Variants in VCPKMT observed in about 807,000 individuals in gnomAD.
The protein encoded by VCPKMT is protein N-lysine methyltransferase METTL21D.
A neutral mutation model predicts 28.6 loss-of-function variants in VCPKMT; 32 were observed. That is an observed-to-expected ratio of 1.12 (90% CI 0.84 to 1.50). The LOEUF (loss-of-function observed/expected upper bound fraction) is 1.50. Among genes scored for constraint, VCPKMT ranks in the 40% most tolerant of loss-of-function variants. The probability of loss-of-function intolerance (pLI) is 0.00; values close to 1 mark genes in which losing one functional copy is unlikely to be tolerated. For synonymous variants in VCPKMT, 138 were observed against 111.4 expected (o/e 1.24, Z -1.50); for missense variants, 366 against 285.0 (o/e 1.28, Z -2.05).
chr14:50,109,158 A>T lies in VCPKMT; in HGVS notation c.*541T>A, dbSNP rs184032097. On this transcript the variant is annotated 3_prime_UTR_variant, in exon 6 of 6. Coordinates refer to ENST00000395860, the MANE Select transcript of VCPKMT (RefSeq NM_024558.3). ...ACAAGACAATATCTCAGTTCTTTTT[A>T]AAATTAAAAGAACATTTCAGTATTA... 3.5e-4 allele frequency: 322 copies of T among 914,236 alleles called. 1 individual carries two copies. The African/African-American group carries it at 5.2e-3, about 15-fold the overall frequency. 56.6% of individuals were successfully genotyped at this position (914,236 alleles called of 1,614,324 possible).
chr14:50,103,704 T>C (rs890574638), downstream of VCPKMT, among the ~76,000 whole-genome samples: 1 of 152,196 alleles, frequency 6.6e-6, no homozygotes, highest in Non-Finnish European at 1.5e-5. Context: ...TTTTCTAAGA[T>C]TGTTATTTGT....
At chr14:50,111,416 T>G (rs1051568591) in intron 5 of VCPKMT, 1 of 985,320 alleles carries the variant, frequency 1.0e-6, no homozygotes, top group African/African-American at 1.7e-5. Context: ...TAAGTTTTAT[T>G]TGCTTTTGAC....
At chr14:50,107,156 A>G (rs1882354111), downstream of VCPKMT, among the ~76,000 whole-genome samples, 1 of 152,218 alleles carries the variant, frequency 6.6e-6, no homozygotes, top group African/African-American at 2.4e-5. Context: ...TGTCTGTGGA[A>G]TAGTAGTTGG....
intron 2 of VCPKMT, 22 bp downstream of exon 2, chr14:50,116,042 TAAAAC>T (rs1263473228): frequency 6.3e-7 from 1 of 1,597,654 alleles, no homozygotes; most frequent in Non-Finnish European, 8.6e-7. Flanking sequence ...ATCAATATCT[TAAAAC>T]AAGCTGAAAG....
At chr14:50,106,473 C>G, downstream of VCPKMT, 11 of 844,658 alleles carry the variant, frequency 1.3e-5, no homozygotes, top group Non-Finnish European at 1.4e-5. Context: ...TAAACCACGT[C>G]GTCCCCTCCT....
Position 50,116,541 on chromosome 14 carries a change from C to T in VCPKMT, c.12G>A (p.Thr4=), listed in dbSNP as rs777431395. Reference sequence around the variant, plus strand: ...GTGGGTCCTCCAGCGAGGACTCCAGCGTATCCGCCATTGCGCCCGGCAACA... The same window carrying T: ...GTGGGTCCTCCAGCGAGGACTCCAGTGTATCCGCCATTGCGCCCGGCAACA... MAD[T]LESSLEDPLR... is the part of the protein sequence containing the mutation. Residue 4 remains threonine, a synonymous_variant, in exon 1 of 6, where the codon ACG becomes ACA. Transcript: ENST00000395860. 1.9e-6 allele frequency: 3 copies of T among 1,607,076 alleles called. No individual in the cohort carries two copies. The highest frequency in any genetic ancestry group is 2.2e-5 in the South Asian group (2 of 90,836).
chr14:50,112,789 A>T, intron 4 of VCPKMT, 70 bp from the exon 5 acceptor site: 6 of 1,132,612 alleles, frequency 5.3e-6, no homozygotes, highest in Non-Finnish European at 7.5e-6. Context: ...AGAAGTCAGA[A>T]TGCTGGTTAC....
At chr14:50,115,280 A>C (rs1197509425) in intron 3 of VCPKMT, among the ~76,000 whole-genome samples, 1 of 151,472 alleles carries the variant, frequency 6.6e-6, no homozygotes, top group Non-Finnish European at 1.5e-5. Flanking sequence ...AGACTCCCAA[A>C]TAGCTAGGAT....
the VCPKMT span, among the ~76,000 whole-genome samples, chr14:50,103,246 T>C: frequency 1.3e-5 from 2 of 151,230 alleles, no homozygotes; most frequent in Non-Finnish European, 2.9e-5. Context: ...GTAAAAGACA[T>C]GGTCAGTTAG....
At chr14:50,103,782 G>A (rs1027285045), downstream of VCPKMT, among the ~76,000 whole-genome samples, 3 of 152,024 alleles carry the variant, frequency 2.0e-5, no homozygotes, top group South Asian at 2.1e-4. Flanking sequence ...CATTCCCACC[G>A]TGACTGGGCA....
At chr14:50,111,481 T>G (rs1034242806) in intron 5 of VCPKMT, 5 of 985,278 alleles carry the variant, frequency 5.1e-6, no homozygotes, top group African/African-American at 1.7e-5. Context: ...GCAAAGATGA[T>G]AGAAAAAGTG....
At position 50,116,084 on chromosome 14, in the gene VCPKMT, G is replaced by A. The variant is rs1185266818; in HGVS notation, c.362C>T (p.Ala121Val). ...NKHLVTGSVQAKVLKWGEEIE... is the reference protein window; with the variant it reads ...NKHLVTGSVQVKVLKWGEEIE... ...CCATACAAACCATTTCAGTACCTTGGCTTGAACAGAACCAGTGACAAGATG... is the reference window on the plus strand; with the variant it reads ...CCATACAAACCATTTCAGTACCTTGACTTGAACAGAACCAGTGACAAGATG... Residue 121 changes from alanine to valine, a missense_variant, in exon 2 of 6, where the codon GCC becomes GTC. Transcript: ENST00000395860. The A allele has an allele frequency of 6.2e-7, 1 of 1,612,840 alleles. No individual in the cohort carries two copies. Among genetic ancestry groups the A allele is most frequent in the Admixed American group, 1.7e-5 (1 of 59,876 alleles).
chr14:50,114,325 G>A lies in VCPKMT; in HGVS notation c.530C>T (p.Thr177Ile). The A allele has an allele frequency of 6.3e-7, 1 of 1,587,636 alleles. No homozygotes were observed. The highest frequency in any genetic ancestry group is 8.5e-7 in the Non-Finnish European group (1 of 1,170,320). Residue 177 changes from threonine (T) to isoleucine (I), a missense_variant, in exon 4 of 6, where the codon ACA becomes ATA. Transcript: ENST00000395860. ...TCIICCYEQR[T>I]MGKNPEIEKK... is the part of the protein sequence containing the mutation. ...CTCAATTTCTGGATTTTTCCCCATT[G>A]TTCGTTGTTCATAACAACATATAAT...
Position 50,116,146 on chromosome 14 carries a change from C to A in VCPKMT, c.300G>T (p.Leu100Phe). The A allele has an allele frequency of 6.2e-7, 1 of 1,614,102 alleles. No individual in the cohort carries two copies. The highest frequency in any genetic ancestry group is 8.5e-7 in the Non-Finnish European group (1 of 1,180,040). ...TAATATTCATCTTCAGCAAGTCTTGCAATTCCTCAAGATCGGTGACTACAA... is the reference window on the plus strand; with the variant it reads ...TAATATTCATCTTCAGCAAGTCTTGAAATTCCTCAAGATCGGTGACTACAA... ...ADVVVTDLEE[L>F]QDLLKMNINM... The change falls in exon 2 of 6, where the codon TTG becomes TTT. Residue 100 changes from leucine to phenylalanine, a missense_variant. Leu to Phe is a conservative substitution (Grantham distance 22). Coordinates refer to ENST00000395860, the MANE Select transcript of VCPKMT (RefSeq NM_024558.3).
Position 50,112,667 on chromosome 14 carries a change from T to TC in VCPKMT, c.622dup (p.Glu208GlyfsTer6), listed in dbSNP as rs768038029. 2 of 1,576,774 alleles carry TC rather than the reference T, an allele frequency of 1.3e-6. No individual in the cohort carries two copies. Among genetic ancestry groups the TC allele is most frequent in the Non-Finnish European group, 1.7e-6 (2 of 1,158,090 alleles). ...ATGAATATCTTCACTTCGATACTCTTCATCATGTTTTTCCAAAGGAATTTT... is the reference window on the plus strand; with the variant it reads ...ATGAATATCTTCACTTCGATACTCTTCCATCATGTTTTTCCAAAGGAATTTT... On this transcript the variant is annotated frameshift_variant, in exon 5 of 6. Coordinates refer to ENST00000395860, the MANE Select transcript of VCPKMT (RefSeq NM_024558.3). LOFTEE classifies it high-confidence loss of function.
chr14:50,108,936 G>A lies in VCPKMT; in HGVS notation c.*763C>T. The A allele has an allele frequency of 1.0e-6, 1 of 985,402 alleles. No homozygotes were observed. Among genetic ancestry groups the A allele is most frequent in the Non-Finnish European group, 1.2e-6 (1 of 829,912 alleles). 61.0% of individuals were successfully genotyped at this position (985,402 alleles called of 1,614,324 possible). On this transcript the variant is annotated 3_prime_UTR_variant, in exon 6 of 6. Transcript: ENST00000395860. ...CCTGGAACATATACATAAAGTGCAT[G>A]AGCCACGTAAGTGCATAAGCCTGAA...
chr14:50,111,341 T>C, intron 5 of VCPKMT: 1 of 985,430 alleles, frequency 1.0e-6, no homozygotes, highest in Non-Finnish European at 1.2e-6. Flanking sequence ...ACATAAATGT[T>C]AATCTGAATA....
intron 5 of VCPKMT, among the ~76,000 whole-genome samples, chr14:50,109,924 A>G (rs1002398015): frequency 5.3e-5 from 8 of 152,166 alleles, no homozygotes; most frequent in Non-Finnish European, 1.5e-5. Context: ...ATTGGACATT[A>G]TCAAAATTAA....
In VCPKMT at chr14:50,114,396, C is replaced by A; in HGVS notation, c.459G>T (p.Glu153Asp). ...ADCIYYEESL[E>D]PLLKTLKDIS... ...TATCTTTTAGAGTTTTCAGCAATGGCTCCAAAGACTATTTAAAAAAGAATA... is the reference window on the plus strand; with the variant it reads ...TATCTTTTAGAGTTTTCAGCAATGGATCCAAAGACTATTTAAAAAAGAATA... The change falls in exon 4 of 6, where the codon GAG (glutamate) becomes GAT (aspartate). Residue 153 changes from glutamate (E) to aspartate (D), a missense_variant. Glu to Asp is a conservative substitution (Grantham distance 45). Transcript: ENST00000395860. 6.5e-7 allele frequency: 1 copy of A among 1,527,172 alleles called. No individual in the cohort carries two copies. The highest frequency in any genetic ancestry group is 8.8e-7 in the Non-Finnish European group (1 of 1,141,548). The allele number at this position is 1,527,172 out of a possible 1,614,324, so 94.6% of individuals were successfully genotyped here.
Sources: allele counts gnomAD v4.1 joint callset (sites outside exome capture counted in the v4.1 genomes callset), GRCh38; gene constraint gnomAD v4.1.1; transcripts MANE v1.5; gene names NCBI Gene and HGNC (gene_info 2026-07-23, HGNC 2026-07-21).